Variants in STAU2 observed in about 807,000 individuals in gnomAD.
The protein encoded by STAU2 is double-stranded RNA-binding protein Staufen homolog 2.
A neutral mutation model predicts 65.9 loss-of-function variants in STAU2; 20 were observed. That is an observed-to-expected ratio of 0.30 (90% CI 0.21 to 0.44). The LOEUF (loss-of-function observed/expected upper bound fraction) is 0.44, where lower values mean the gene tolerates loss of function less well. STAU2 is among the 20% of genes least tolerant of loss of function. The pLI is 1.00. For synonymous variants in STAU2, 232 were observed against 233.9 expected (o/e 0.99, Z 0.07); for missense variants, 558 against 683.9 (o/e 0.82, Z 2.05).
At chr8:73,672,694 T>TC (rs1817768034) in intron 6 of STAU2, among the ~76,000 whole-genome samples, 1 of 152,158 alleles carries the variant, frequency 6.6e-6, no homozygotes, top group African/African-American at 2.4e-5. Flanking sequence ...TTTTCTTTTT[T>TC]CCCTATAAAT....
intron 13 of STAU2, among the ~76,000 whole-genome samples, chr8:73,507,577 G>C (rs73322863): frequency 0.086 from 13,128 of 152,192 alleles, 1,849 homozygotes; most frequent in African/African-American, 0.3. Context: ...AAAGGCCCTA[G>C]GATTTTCAGG....
intron 13 of STAU2, among the ~76,000 whole-genome samples, chr8:73,468,575 C>A (rs1365138981): frequency 6.6e-6 from 1 of 152,136 alleles, no homozygotes; most frequent in African/African-American, 2.4e-5. Context: ...GGGCTAATAT[C>A]CAGAATCTAC....
chr8:73,641,049 G>T (rs937185174), intron 6 of STAU2, among the ~76,000 whole-genome samples: 3 of 152,030 alleles, frequency 2.0e-5, no homozygotes, highest in South Asian at 4.1e-4. Context: ...TATAATACTT[G>T]CCCACTGAGT....
At chr8:73,669,066 G>T (rs760985786) in intron 6 of STAU2, 1 of 702,314 alleles carries the variant, frequency 1.4e-6, no homozygotes, top group South Asian at 1.5e-5. Flanking sequence ...CATCTCCTTG[G>T]ATCTTTGGCT....
chr8:73,629,681 AC>A (rs1451173602), intron 6 of STAU2, among the ~76,000 whole-genome samples: 1 of 152,176 alleles, frequency 6.6e-6, no homozygotes, highest in African/African-American at 2.4e-5. Context: ...TGAGTAACAC[AC>A]TTTGGGGGGT....
intron 13 of STAU2, chr8:73,549,486 G>T: frequency 1.1e-5 from 3 of 269,830 alleles, no homozygotes; most frequent in Non-Finnish European, 1.7e-5. Flanking sequence ...TATTTTGTAG[G>T]TTTAAAAGAA....
chr8:73,702,196 A>G (rs1244928151), intron 4 of STAU2, among the ~76,000 whole-genome samples: 2 of 152,202 alleles, frequency 1.3e-5, no homozygotes, highest in Non-Finnish European at 2.9e-5. Flanking sequence ...ACTACAGTCA[A>G]TAATAATTTA....
chr8:73,585,818 T>C (rs1810326909), intron 11 of STAU2, among the ~76,000 whole-genome samples: 1 of 152,180 alleles, frequency 6.6e-6, no homozygotes. Context: ...AATCCCCACG[T>C]CTCAAGGGTG....
At chr8:73,747,167 C>T, upstream of STAU2, 1 of 511,110 alleles carries the variant, frequency 2.0e-6, no homozygotes, top group Non-Finnish European at 3.3e-6. Flanking sequence ...TGGGCGAGGG[C>T]CATTCCCGGG....
At chr8:73,445,011 T>C (rs966679554) in intron 13 of STAU2, among the ~76,000 whole-genome samples, 3 of 152,150 alleles carry the variant, frequency 2.0e-5, no homozygotes, top group Non-Finnish European at 4.4e-5. Context: ...GGAGGCTGTG[T>C]TCCTGGAAGA....
In STAU2 at chr8:73,728,640, C is replaced by T. The variant is rs568427428; in HGVS notation, c.-18+9644G>A. ...TCAACATGTTTTATAGTTTACAGTG[C>T]ACAAGTCTTTCATAAGCAAGTCAAC... On this transcript the variant is annotated intron_variant, in intron 3 of 14. Transcript: ENST00000524300. Among the ~76,000 whole-genome samples the T allele has an allele frequency of 2.6e-5, 4 of 152,272 alleles. No individual in the cohort carries two copies. In the East Asian group the frequency reaches 7.7e-4, roughly 29 times the overall value.
At chr8:73,567,148 C>A (rs1004337290) in intron 12 of STAU2, among the ~76,000 whole-genome samples, 3 of 152,096 alleles carry the variant, frequency 2.0e-5, no homozygotes, top group African/African-American at 7.2e-5. Context: ...AAATGCAATT[C>A]TTGCATTTGC....
At chr8:73,509,573 A>G (rs565508243) in intron 13 of STAU2, among the ~76,000 whole-genome samples, 27 of 152,292 alleles carry the variant, frequency 1.8e-4, no homozygotes, top group Middle Eastern at 3.4e-3. Context: ...GCAACTGTTT[A>G]ATGTATTGAT....
chr8:73,444,960 C>A (rs1818390533), intron 13 of STAU2, among the ~76,000 whole-genome samples: 1 of 152,196 alleles, frequency 6.6e-6, no homozygotes, highest in African/African-American at 2.4e-5. Context: ...CAGAGGAAGG[C>A]ATCCTCGCAC....
chr8:73,449,880 G>A (rs1818704756), intron 13 of STAU2, among the ~76,000 whole-genome samples: 2 of 152,206 alleles, frequency 1.3e-5, no homozygotes, highest in Admixed American at 6.5e-5. Context: ...GAGGAGCTCT[G>A]CAGGGTCACT....
At chr8:73,631,739 A>T (rs1814101402) in intron 6 of STAU2, among the ~76,000 whole-genome samples, 1 of 152,192 alleles carries the variant, frequency 6.6e-6, no homozygotes, top group African/African-American at 2.4e-5. Flanking sequence ...AAATAAAGCA[A>T]GTTGGTCAAG....
At chr8:73,743,219 C>G (rs1375989422) in intron 1 of STAU2, among the ~76,000 whole-genome samples, 3 of 148,686 alleles carry the variant, frequency 2.0e-5, no homozygotes, top group Non-Finnish European at 3.0e-5. Flanking sequence ...TAACACAGGC[C>G]AGAAAAAAAA....
chr8:73,537,616 A>G lies in STAU2; in HGVS notation c.1530+14396T>C, dbSNP rs746475483. ...GCCCAGACTTTTATATCTAGAAAAA[A>G]TATCCCTGAGGAAGAAAGGAAAACC... On this transcript the variant is annotated intron_variant, in intron 13 of 14. Transcript: ENST00000524300. Among the ~76,000 whole-genome samples, 20 of 152,352 alleles carry G rather than the reference A, an allele frequency of 1.3e-4. 1 individual carries two copies. The South Asian group carries it at 2.3e-3, about 17-fold the overall frequency.
chr8:73,598,447 T>C (rs1254880079), intron 10 of STAU2, among the ~76,000 whole-genome samples: 7 of 152,126 alleles, frequency 4.6e-5, no homozygotes, highest in Admixed American at 2.0e-4. Context: ...CAGGATGGTT[T>C]CGATCTCCTG....
Sources: allele counts gnomAD v4.1 joint callset (sites outside exome capture counted in the v4.1 genomes callset), GRCh38; gene constraint gnomAD v4.1.1; transcripts MANE v1.5; gene names NCBI Gene and HGNC (gene_info 2026-07-23, HGNC 2026-07-21).